The following KIRREL2 variants were observed in gnomAD, a reference collection of about 807,000 sequenced individuals.
KIRREL2 encodes the protein kirre like nephrin family adhesion molecule 2.
KIRREL2 carries 56 observed loss-of-function variants against 73.4 expected under a neutral mutation model. That is an observed-to-expected ratio of 0.76 (90% CI 0.62 to 0.95). The LOEUF is 0.95. Ranked by LOEUF, KIRREL2 falls within the 40% of genes least tolerant of loss-of-function variation. The pLI is 0.00. For missense variants in KIRREL2, 896 were observed against 935.0 expected (o/e 0.96, Z 0.54); for synonymous variants, 407 against 404.0 (o/e 1.01, Z -0.09).
At position 35,864,703 on chromosome 19, in the gene KIRREL2, T is replaced by C; in HGVS notation, c.1781T>C (p.Leu594Pro). The change falls in exon 14 of 15, where the codon CTG becomes CCG. Residue 594 changes from leucine to proline, a missense_variant. Coordinates refer to ENST00000360202, the MANE Select transcript of KIRREL2 (RefSeq NM_199180.4). ...SDLVLEEEGT[L>P]ETKDPTNGYY... ...CTGGTTCTGGAGGAGGAAGGGACTC[T>C]GGAGACCAAGGTGAGTGTTGAGAGG... 1 of 1,612,320 alleles carries C rather than the reference T, an allele frequency of 6.2e-7. No individual in the cohort carries two copies. The highest frequency in any genetic ancestry group is 1.7e-5 in the Admixed American group (1 of 59,988).
upstream of KIRREL2, chr19:35,851,823 C>T (rs1047757821): frequency 2.6e-6 from 4 of 1,552,008 alleles, no homozygotes; most frequent in Non-Finnish European, 2.6e-6. Context: ...CCCTGAGCGT[C>T]GTCCCCAGGG....
intron 14 of KIRREL2, 86 bp from the exon 15 acceptor site, chr19:35,866,071 G>A (rs746442825): frequency 3.6e-5 from 47 of 1,294,684 alleles, no homozygotes; most frequent in Non-Finnish European, 5.0e-5. Context: ...CTCAAGGTCT[G>A]GTCTATTTCA....
At position 35,859,536 on chromosome 19, in the gene KIRREL2, C is replaced by G. The variant is rs751210049; in HGVS notation, c.578C>G (p.Pro193Arg). 2.5e-6 allele frequency: 4 copies of G among 1,614,168 alleles called. No individual in the cohort carries two copies. The change falls in exon 5 of 15, where the codon CCT becomes CGT. Residue 193 changes from proline (P) to arginine (R), a missense_variant. Transcript: ENST00000360202. ...GTGGAGAGCACCTTAACCCTGACCC[C>G]TTTCAGCCATGATGATGGAGCCACC... is the stretch of plus-strand genomic sequence containing the variant. The part of the protein sequence containing the change: ...GSVESTLTLT[P>R]FSHDDGATFV...
In KIRREL2 at chr19:35,861,870, C is replaced by T. The variant is rs777256392; in HGVS notation, c.1356C>T (p.Phe452=). Residue 452 remains phenylalanine, a synonymous_variant, in exon 11 of 15, where the codon TTC becomes TTT. Transcript: ENST00000360202. ...AGGGCCGGTTCCTGGTGGAGACATT[C>T]CCTGCCCCAGAGAGCCGCGGGGGAC... ...GSQGRFLVET[F]PAPESRGGLG... 10 of 1,593,466 alleles carry T rather than the reference C, an allele frequency of 6.3e-6. No individual in the cohort carries two copies. The highest frequency in any genetic ancestry group is 3.6e-5 in the Admixed American group (2 of 55,652).
In KIRREL2 at chr19:35,866,469, C is replaced by T; in HGVS notation, c.2104C>T (p.Pro702Ser). 1.2e-6 allele frequency: 2 copies of T among 1,611,720 alleles called. No individual in the cohort carries two copies. Among genetic ancestry groups the T allele is most frequent in the Admixed American group, 3.3e-5 (2 of 60,012 alleles). Residue 702 changes from proline to serine, a missense_variant, in exon 15 of 15, where the codon CCG (proline) becomes TCG (serine). Coordinates refer to ENST00000360202, the MANE Select transcript of KIRREL2 (RefSeq NM_199180.4). ...PYAAFPTPSHPRLQTHV is the reference protein window; with the variant it reads ...PYAAFPTPSHSRLQTHV ...TGCTGCCTTCCCCACACCTAGCCAC[C>T]CGCGTCTCCAGACTCACGTGTGACA...
Position 35,858,690 on chromosome 19 carries a change from A to T in KIRREL2, c.362-14A>T, listed in dbSNP as rs371705956. The T allele has an allele frequency of 2.5e-6, 4 of 1,613,286 alleles. 1 individual carries two copies. In the African/African-American group the frequency reaches 5.3e-5, roughly 22 times the overall value. ...AGATCAGGATCCATCTCTGACCCCA[A>T]ATCCACCTTGCAGTCCCCCCAGAAG... is the stretch of plus-strand genomic sequence containing the variant. On this transcript the variant is annotated splice_polypyrimidine_tract_variant and intron_variant, in intron 3 of 14. Transcript: ENST00000360202.
Position 35,860,542 on chromosome 19 carries a change from T to C in KIRREL2, c.803T>C (p.Val268Ala), listed in dbSNP as rs1297951860. The C allele has an allele frequency of 2.5e-6, 4 of 1,603,166 alleles. No individual in the cohort carries two copies. The highest frequency in any genetic ancestry group is 3.4e-6 in the Non-Finnish European group (4 of 1,179,932). ...GYRWAKGGSPVLGARGPRLEV... is the reference protein window; with the variant it reads ...GYRWAKGGSPALGARGPRLEV... ...AGGTGGGCAAAAGGGGGCTCTCCGGTGCTCGGGGCCCGCGGGCCAAGGTTA... is the reference window on the plus strand; with the variant it reads ...AGGTGGGCAAAAGGGGGCTCTCCGGCGCTCGGGGCCCGCGGGCCAAGGTTA... Residue 268 changes from valine to alanine, a missense_variant, in exon 7 of 15, where the codon GTG becomes GCG. Transcript: ENST00000360202.
intron 9 of KIRREL2, 34 bp from the exon 10 acceptor site, chr19:35,861,507 C>T (rs745857629): frequency 6.2e-7 from 1 of 1,603,258 alleles, no homozygotes; most frequent in South Asian, 1.1e-5. Context: ...AGGGCAAGAC[C>T]TCTCCTCTGA....
rs1458735914 is a variant in KIRREL2 at position 35,859,476 on chromosome 19, T to C, written c.523-5T>C. ...TGGCATTATTATTCTTATCCTTCCCTCCAGACCCTGCTGAAGGAAGGGACC... is the reference window on the plus strand; with the variant it reads ...TGGCATTATTATTCTTATCCTTCCCCCCAGACCCTGCTGAAGGAAGGGACC... On this transcript the variant is annotated splice_polypyrimidine_tract_variant and splice_region_variant and intron_variant, in intron 4 of 14. Transcript: ENST00000360202. The C allele has an allele frequency of 6.2e-7, 1 of 1,613,622 alleles. No homozygotes were observed. The highest frequency in any genetic ancestry group is 1.3e-5 in the African/African-American group (1 of 74,902).
At chr19:35,851,583 C>T (rs765675306), upstream of KIRREL2, 1 of 1,613,986 alleles carries the variant, frequency 6.2e-7, no homozygotes, top group South Asian at 1.1e-5. Context: ...CAACGCAGCT[C>T]CACTGAGGCC....
At position 35,861,188 on chromosome 19, in the gene KIRREL2, T is replaced by C. The variant is rs1032880343; in HGVS notation, c.1123T>C (p.Cys375Arg). 4.4e-6 allele frequency: 7 copies of C among 1,574,262 alleles called. No homozygotes were observed. The highest frequency in any genetic ancestry group is 6.0e-6 in the Non-Finnish European group (7 of 1,164,640). ...VGPEDAGDYV[C>R]RAEAGLSGLR... ...GCCCGAGGACGCAGGCGACTATGTGTGCAGAGCTGAGGCTGGGCTATCGGG... is the reference window on the plus strand; with the variant it reads ...GCCCGAGGACGCAGGCGACTATGTGCGCAGAGCTGAGGCTGGGCTATCGGG... The change falls in exon 9 of 15, where the codon TGC (cysteine) becomes CGC (arginine). Residue 375 changes from cysteine to arginine, a missense_variant. Physicochemically the swap from Cys to Arg is radical, Grantham distance 180. Coordinates refer to ENST00000360202, the MANE Select transcript of KIRREL2 (RefSeq NM_199180.4).
Position 35,861,575 on chromosome 19 carries a change from T to A in KIRREL2, c.1224T>A (p.Pro408=), listed in dbSNP as rs1367162073. ...TAGTGACCGCCCTGCACTCTGCGCC[T>A]GCCTTCCTGAGGGGCCCTGCTCGCC... The part of the protein sequence containing the change: ...PPVVTALHSA[P]AFLRGPARLQ... Residue 408 remains proline, a synonymous_variant, in exon 10 of 15, where the codon CCT becomes CCA. Transcript: ENST00000360202. The A allele has an allele frequency of 1.2e-6, 2 of 1,613,756 alleles. No homozygotes were observed. Among genetic ancestry groups the A allele is most frequent in the Non-Finnish European group, 1.7e-6 (2 of 1,179,892 alleles).
chr19:35,865,440 T>G (rs551412740), intron 14 of KIRREL2, among the ~76,000 whole-genome samples: 30 of 152,200 alleles, frequency 2.0e-4, no homozygotes, highest in Non-Finnish European at 3.8e-4. Flanking sequence ...CGTGAGCCAC[T>G]GTGCCCAGCC....
chr19:35,864,548 T>C (rs947600597), intron 13 of KIRREL2, 100 bp from the exon 14 acceptor site: 25 of 917,804 alleles, frequency 2.7e-5, no homozygotes, highest in Admixed American at 2.4e-4. Context: ...TCTTACTCCC[T>C]CCTGCCTGGC....
At chr19:35,858,921 T>G (rs1973549535) in intron 4 of KIRREL2, 57 bp downstream of exon 4, 1 of 1,579,032 alleles carries the variant, frequency 6.3e-7, no homozygotes, top group East Asian at 2.2e-5. Flanking sequence ...TGGGTTACAC[T>G]CTGACCACAG....
chr19:35,859,507 G>A lies in KIRREL2; in HGVS notation c.549G>A (p.Gly183=), dbSNP rs1460362040. 1 of 1,614,034 alleles carries A rather than the reference G, an allele frequency of 6.2e-7. No individual in the cohort carries two copies. The highest frequency in any genetic ancestry group is 1.3e-5 in the African/African-American group (1 of 74,908). ...HQTLLKEGTP[G]SVESTLTLTP... Reference sequence around the variant, plus strand: ...CCCTGCTGAAGGAAGGGACCCCTGGGTCAGTGGAGAGCACCTTAACCCTGA... The same window carrying A: ...CCCTGCTGAAGGAAGGGACCCCTGGATCAGTGGAGAGCACCTTAACCCTGA... Residue 183 remains glycine, a synonymous_variant, in exon 5 of 15, where the codon GGG becomes GGA. Coordinates refer to ENST00000360202, the MANE Select transcript of KIRREL2 (RefSeq NM_199180.4).
rs1051487330 is a variant in KIRREL2 at position 35,858,560 on chromosome 19, A to G, written c.361+3A>G. On this transcript the variant is annotated splice_donor_region_variant and intron_variant, in intron 3 of 14. Coordinates refer to ENST00000360202, the MANE Select transcript of KIRREL2 (RefSeq NM_199180.4). ...ACCAGCCCAACTGCACGTGCTGGGT[A>G]AGGACCTCGCCCACTTGTCCCCTGG... is the stretch of plus-strand genomic sequence containing the variant. 6.8e-6 allele frequency: 11 copies of G among 1,613,986 alleles called. No homozygotes were observed. The highest frequency in any genetic ancestry group is 1.1e-5 in the South Asian group (1 of 91,088).
At position 35,857,433 on chromosome 19, in the gene KIRREL2, C is replaced by T. The variant is rs1386361535; in HGVS notation, c.150C>T (p.Tyr50=). 9.9e-6 allele frequency: 16 copies of T among 1,612,722 alleles called. No homozygotes were observed. Among genetic ancestry groups the T allele is most frequent in the Non-Finnish European group, 1.3e-5 (15 of 1,179,790 alleles). ...GGCTGCCGTGTGCTCTGGGCGCCTA[C>T]TGGGGGCTAGTTCAGTGGACTAAGA... The part of the protein sequence containing the change: ...EARLPCALGA[Y]WGLVQWTKSG... The change falls in exon 2 of 15, where the codon TAC becomes TAT. Residue 50 remains tyrosine (Y), a synonymous_variant. Transcript: ENST00000360202.
Position 35,861,937 on chromosome 19 carries a change from C to A in KIRREL2, c.1423C>A (p.Gln475Lys). 1 of 1,613,006 alleles carries A rather than the reference C, an allele frequency of 6.2e-7. No individual in the cohort carries two copies. The highest frequency in any genetic ancestry group is 8.5e-7 in the Non-Finnish European group (1 of 1,179,638). The change falls in exon 11 of 15, where the codon CAG becomes AAG. Residue 475 changes from glutamine (Q) to lysine (K), a missense_variant. Gln to Lys is a moderately conservative substitution (Grantham distance 53). Coordinates refer to ENST00000360202, the MANE Select transcript of KIRREL2 (RefSeq NM_199180.4). ...CTCTGTGCTACACATTTCGGGGACC[C>A]AGGAGTCTGACTTTAGCAGGAGCTT... ...LISVLHISGT[Q>K]ESDFSRSFNC...
Sources: allele counts gnomAD v4.1 joint callset (sites outside exome capture counted in the v4.1 genomes callset), GRCh38; gene constraint gnomAD v4.1.1; transcripts MANE v1.5; gene names NCBI Gene and HGNC (gene_info 2026-07-23, HGNC 2026-07-21).